The following SORCS1 variants were observed in gnomAD, a reference collection of about 807,000 sequenced individuals.
SORCS1 encodes VPS10 domain-containing receptor SorCS1.
Under a neutral mutation model 146.1 loss-of-function variants are expected in SORCS1, and 60 were observed. The ratio of observed to expected loss-of-function variants is 0.41; its 90% CI spans 0.33 to 0.51. The LOEUF is 0.51. Among genes scored for constraint, SORCS1 ranks in the 20% least tolerant of loss-of-function variants. SORCS1 has a pLI of 0.21. For missense variants in SORCS1, 1,352 were observed against 1,487.6 expected, an observed-to-expected ratio of 0.91 and a Z score of 1.50; for synonymous variants, 637 against 584.0, an observed-to-expected ratio of 1.09 and a Z score of -1.31.
rs540090952 is a variant in SORCS1 at position 106,596,280 on chromosome 10, C to A, written c.3265+1071G>T. Among the ~76,000 whole-genome samples the A allele has an allele frequency of 1.0e-3, 154 of 152,296 alleles. 2 individuals carry two copies. The highest frequency in any genetic ancestry group is 3.4e-3 in the African/African-American group (141 of 41,562). ...ACACCGAACTTCCCCACACCACAACCAGGTTATAAGTTTTGTGAAGATGAA... is the reference window on the plus strand; with the variant it reads ...ACACCGAACTTCCCCACACCACAACAAGGTTATAAGTTTTGTGAAGATGAA... On this transcript the variant is annotated intron_variant, in intron 24 of 25. Coordinates refer to ENST00000263054, the MANE Select transcript of SORCS1 (RefSeq NM_052918.5).
Position 106,896,468 on chromosome 10 carries a change from G to C in SORCS1, c.626+60045C>G, listed in dbSNP as rs1355588430. On this transcript the variant is annotated intron_variant, in intron 2 of 25. Transcript: ENST00000263054. ...AAAAAGAAATGAAAAGTAGAATAGTGGCTCCTAGGGATTAGGGGTAGGGGA... is the reference window on the plus strand; with the variant it reads ...AAAAAGAAATGAAAAGTAGAATAGTCGCTCCTAGGGATTAGGGGTAGGGGA... Among the ~76,000 whole-genome samples, 3 of 150,894 alleles carry C rather than the reference G, an allele frequency of 2.0e-5. No individual in the cohort carries two copies. The East Asian group carries it at 5.8e-4, about 29-fold the overall frequency.
At position 106,677,378 on chromosome 10, in the gene SORCS1, C is replaced by T. The variant is rs1589643167; in HGVS notation, c.1767G>A (p.Leu589=). The T allele has an allele frequency of 6.2e-7, 1 of 1,613,960 alleles. No individual in the cohort carries two copies. Residue 589 remains leucine, a synonymous_variant, in exon 13 of 26, where the codon TTG becomes TTA. Coordinates refer to ENST00000263054, the MANE Select transcript of SORCS1 (RefSeq NM_052918.5). ...CCAGGACTCCACCTTGATCCAGGTACAAAACACTGTGCTCTTCTTCAAAGA... is the reference window on the plus strand; with the variant it reads ...CCAGGACTCCACCTTGATCCAGGTATAAAACACTGTGCTCTTCTTCAAAGA... ...RQIFEEEHSV[L]YLDQGGVLVA...
rs1388867255 is a variant in SORCS1 at position 106,719,854 on chromosome 10, C to CCTCT, written c.1024+10192_1024+10195dup. Among the ~76,000 whole-genome samples the CCTCT allele has an allele frequency of 1.2e-4, 19 of 152,292 alleles. 1 individual carries two copies. The highest frequency in any genetic ancestry group is 1.1e-3 in the Admixed American group (17 of 15,288). ...AAGACAGATGACACGTTTGCCCGCC[C>CCTCT]CTCTCTCTATTCCAGCCACCTGGCC... On this transcript the variant is annotated intron_variant, in intron 6 of 25. Transcript: ENST00000263054.
intron 1 of SORCS1, among the ~76,000 whole-genome samples, chr10:107,074,819 T>C (rs1457778304): frequency 6.6e-6 from 1 of 152,190 alleles, no homozygotes; most frequent in African/African-American, 2.4e-5. Flanking sequence ...TTTTTTTTCA[T>C]ATCCTTACTC....
At chr10:106,899,517 G>A (rs539672564) in intron 2 of SORCS1, among the ~76,000 whole-genome samples, 25 of 151,980 alleles carry the variant, frequency 1.6e-4, no homozygotes, top group Middle Eastern at 3.4e-3. Flanking sequence ...AAATCATCCA[G>A]GGCTGCGCCA....
rs1446795259 is a variant in SORCS1, at chr10:106,576,526, G to A, written c.*894C>T. The A allele has an allele frequency of 1.3e-5, 2 of 152,284 alleles. No individual in the cohort carries two copies. The highest frequency in any genetic ancestry group is 6.5e-5 in the Admixed American group (1 of 15,282). The allele number at this position is 152,284 out of a possible 1,614,324, so 9.4% of individuals were successfully genotyped here. ...CTACTGCAGTTGGGGCAGGAGTAGG[G>A]AAAGCTGCAAGGGGAGGCAATCATG... On this transcript the variant is annotated 3_prime_UTR_variant, in exon 26 of 26. Coordinates refer to ENST00000263054, the MANE Select transcript of SORCS1 (RefSeq NM_052918.5).
intron 19 of SORCS1, among the ~76,000 whole-genome samples, chr10:106,625,409 G>A (rs1224327510): frequency 6.6e-6 from 1 of 152,118 alleles, no homozygotes; most frequent in Non-Finnish European, 1.5e-5. Flanking sequence ...CTAAAACAGA[G>A]TTTCTCAAAT....
At chr10:106,688,386 T>A in intron 9 of SORCS1, 48 bp from the exon 10 acceptor site, 1 of 1,583,696 alleles carries the variant, frequency 6.3e-7, no homozygotes, top group Non-Finnish European at 8.6e-7. Context: ...TGAGAAGGGA[T>A]ATATTTGTTT....
intron 1 of SORCS1, among the ~76,000 whole-genome samples, chr10:107,097,694 A>T (rs191195475): frequency 6.6e-6 from 1 of 152,254 alleles, no homozygotes; most frequent in African/African-American, 2.4e-5. Flanking sequence ...CTCCCTCTCG[A>T]TTCTGGTCAC....
intron 1 of SORCS1, among the ~76,000 whole-genome samples, chr10:107,154,187 G>C (rs11193218): frequency 6.6e-5 from 10 of 151,784 alleles, no homozygotes; most frequent in African/African-American, 2.4e-4. Context: ...TATTTTAATA[G>C]AGATGGGGTT....
Position 106,850,825 on chromosome 10 carries a change from C to T in SORCS1, c.627-21152G>A, listed in dbSNP as rs1004947274. 2.6e-5 allele frequency among the ~76,000 whole-genome samples: 4 copies of T among 152,140 alleles called. No homozygotes were observed. The East Asian group carries it at 7.7e-4, about 29-fold the overall frequency. ...ATCAAGTCCAAAAAGGAGTCATTTCCACCCTGCCCTCATCTCCCCTGCCAC... is the reference window on the plus strand; with the variant it reads ...ATCAAGTCCAAAAAGGAGTCATTTCTACCCTGCCCTCATCTCCCCTGCCAC... On this transcript the variant is annotated intron_variant, in intron 2 of 25. Coordinates refer to ENST00000263054, the MANE Select transcript of SORCS1 (RefSeq NM_052918.5).
At chr10:106,759,980 CTCTA>C (rs1480794125) in intron 5 of SORCS1, among the ~76,000 whole-genome samples, 8 of 152,244 alleles carry the variant, frequency 5.3e-5, no homozygotes, top group African/African-American at 1.7e-4. Flanking sequence ...ATGCAAGTAT[CTCTA>C]TCTATATATG....
rs550698812 is a variant in SORCS1 at position 107,104,032 on chromosome 10, T to C, written c.558+59937A>G. ...TCAGAACCTTTTTGGACACAAATGATAGAAACCCAACTGTATTAAGCTTCA... is the reference window on the plus strand; with the variant it reads ...TCAGAACCTTTTTGGACACAAATGACAGAAACCCAACTGTATTAAGCTTCA... On this transcript the variant is annotated intron_variant, in intron 1 of 25. Transcript: ENST00000263054. Among the ~76,000 whole-genome samples, 382 of 152,338 alleles carry C rather than the reference T, an allele frequency of 2.5e-3. 3 individuals are homozygous for C. Among genetic ancestry groups the C allele is most frequent in the Non-Finnish European group, 4.7e-3 (321 of 68,028 alleles).
At chr10:107,025,071 T>C (rs927674340) in intron 1 of SORCS1, among the ~76,000 whole-genome samples, 1 of 152,134 alleles carries the variant, frequency 6.6e-6, no homozygotes, top group Non-Finnish European at 1.5e-5. Context: ...ACCAGTAATA[T>C]TAATTATGTC....
intron 6 of SORCS1, among the ~76,000 whole-genome samples, chr10:106,728,789 T>G (rs1856386453): frequency 6.6e-6 from 1 of 152,106 alleles, no homozygotes; most frequent in South Asian, 2.1e-4. Context: ...TGAGGGATAT[T>G]TTAGAAACTG....
At chr10:106,614,424 G>A (rs921783725) in intron 21 of SORCS1, among the ~76,000 whole-genome samples, 9 of 152,256 alleles carry the variant, frequency 5.9e-5, no homozygotes, top group East Asian at 1.9e-4. Context: ...GTATGTTTTC[G>A]TGGCAGTTAA....
chr10:106,852,094 A>C (rs1021674463), intron 2 of SORCS1, among the ~76,000 whole-genome samples: 21 of 152,146 alleles, frequency 1.4e-4, no homozygotes, highest in Admixed American at 2.6e-4. Context: ...TGATTCTCTA[A>C]GATTTTATAC....
At chr10:106,976,023 G>A (rs143283654) in intron 1 of SORCS1, among the ~76,000 whole-genome samples, 1,609 of 151,442 alleles carry the variant, frequency 0.011, 26 homozygotes, top group African/African-American at 0.036. Flanking sequence ...TGGCGCACCT[G>A]TAATCCCAGC....
chr10:106,773,836 C>A (rs1860216493), intron 4 of SORCS1, among the ~76,000 whole-genome samples: 1 of 152,030 alleles, frequency 6.6e-6, no homozygotes, highest in East Asian at 1.9e-4. Flanking sequence ...GTAATCCCAG[C>A]TACTTGGGAG....
Sources: allele counts gnomAD v4.1 joint callset (sites outside exome capture counted in the v4.1 genomes callset), GRCh38; gene constraint gnomAD v4.1.1; transcripts MANE v1.5; gene names NCBI Gene and HGNC (gene_info 2026-07-23, HGNC 2026-07-21).